Variants in RIMBP2 observed in about 807,000 individuals in gnomAD.
RIMBP2 encodes the protein RIMS binding protein 2, also known as RIMS-binding protein 2.
In RIMBP2, 48 loss-of-function variants were observed where a neutral mutation model predicts 118.6. That is an observed-to-expected ratio of 0.40 (90% CI 0.32 to 0.51). The LOEUF (loss-of-function observed/expected upper bound fraction) is 0.51, where lower values mean the gene tolerates loss of function less well. RIMBP2 is among the 20% of genes least tolerant of loss of function. The pLI is 0.41. For missense variants in RIMBP2, 1,551 were observed against 1,768.3 expected, an observed-to-expected ratio of 0.88 and a Z score of 2.20; for synonymous variants, 762 against 742.9, an observed-to-expected ratio of 1.03 and a Z score of -0.42.
chr12:130,412,761 T>A lies in RIMBP2; in HGVS notation c.3447A>T (p.Gly1149=). Residue 1149 remains glycine, a synonymous_variant, in exon 19 of 23, where the codon GGA becomes GGT. Coordinates refer to ENST00000690449, the MANE Select transcript of RIMBP2 (RefSeq NM_001393629.1). ...GGGCACAGGTTTCCCCACGGTAGAA[T>A]CCATCAGCGTCTTTATCACCATAAA... ...IKVYGDKDAD[G]FYRGETCARL... is the part of the protein sequence containing the mutation. 6.2e-7 allele frequency: 1 copy of A among 1,613,564 alleles called. No homozygotes were observed. The highest frequency in any genetic ancestry group is 8.5e-7 in the Non-Finnish European group (1 of 1,179,890).
rs541780653 is a variant in RIMBP2, at chr12:130,409,493, C to T, written c.3590-1664G>A. 2.0e-4 allele frequency among the ~76,000 whole-genome samples: 31 copies of T among 152,150 alleles called. No individual in the cohort carries two copies. The South Asian group carries it at 5.0e-3, about 25-fold the overall frequency. Reference sequence around the variant, plus strand: ...GAGTAGCTGGGACTGCAGGCGCCCGCCACCACGCCCGGCTAATTTTTTTGT... The same window carrying T: ...GAGTAGCTGGGACTGCAGGCGCCCGTCACCACGCCCGGCTAATTTTTTTGT... On this transcript the variant is annotated intron_variant, in intron 19 of 22. Coordinates refer to ENST00000690449, the MANE Select transcript of RIMBP2 (RefSeq NM_001393629.1).
intron 1 of RIMBP2, among the ~76,000 whole-genome samples, chr12:130,636,955 G>A (rs533661832): frequency 1.1e-4 from 17 of 152,330 alleles, no homozygotes; most frequent in African/African-American, 3.4e-4. Context: ...ATGCCTTGGG[G>A]ATGGTGTCTT....
rs143323811 is a variant in RIMBP2, at chr12:130,644,587, G to C, written c.-351-16131C>G. 8.4e-3 allele frequency among the ~76,000 whole-genome samples: 1,273 copies of C among 152,344 alleles called. 6 individuals carry two copies. The highest frequency in any genetic ancestry group is 0.011 in the Non-Finnish European group (752 of 68,038). The stretch of plus-strand genomic sequence containing the variant: ...TTAATTTGTGCAAGGTAGCACACCT[G>C]CGTCTAAGCCCAGTGTCTGCGTATA... On this transcript the variant is annotated intron_variant, in intron 1 of 22. Coordinates refer to ENST00000690449, the MANE Select transcript of RIMBP2 (RefSeq NM_001393629.1).
intron 1 of RIMBP2, among the ~76,000 whole-genome samples, chr12:130,704,983 A>G (rs915684261): frequency 3.3e-5 from 5 of 152,244 alleles, no homozygotes; most frequent in Middle Eastern, 3.4e-3. Context: ...GGGAGGCTCA[A>G]AACAACACAC....
intron 14 of RIMBP2, among the ~76,000 whole-genome samples, chr12:130,432,692 C>T (rs767887801): frequency 6.6e-6 from 1 of 152,170 alleles, no homozygotes; most frequent in Non-Finnish European, 1.5e-5. Context: ...ATCTGCAGGC[C>T]TCGGGGAGGC....
rs563308895 is a variant in RIMBP2 at position 130,687,461 on chromosome 12, T to C, written c.-352+28761A>G. ...GGTTTCTGCACGTTTCACTGTATAATTATTTTTATAAACTAAAGGAAAACT... is the reference window on the plus strand; with the variant it reads ...GGTTTCTGCACGTTTCACTGTATAACTATTTTTATAAACTAAAGGAAAACT... On this transcript the variant is annotated intron_variant, in intron 1 of 22. Coordinates refer to ENST00000690449, the MANE Select transcript of RIMBP2 (RefSeq NM_001393629.1). 2.0e-5 allele frequency among the ~76,000 whole-genome samples: 3 copies of C among 152,306 alleles called. No individual in the cohort carries two copies. The South Asian group carries it at 6.2e-4, about 32-fold the overall frequency.
At chr12:130,436,776 T>C in intron 13 of RIMBP2, 66 bp downstream of exon 13, 2 of 1,270,232 alleles carry the variant, frequency 1.6e-6, no homozygotes, top group Non-Finnish European at 2.0e-6. Context: ...GCTGGGGAGA[T>C]TACAGGGCCC....
At chr12:130,643,438 G>A (rs566326595) in intron 1 of RIMBP2, among the ~76,000 whole-genome samples, 5 of 152,170 alleles carry the variant, frequency 3.3e-5, no homozygotes, top group Non-Finnish European at 5.9e-5. Context: ...GATGAAAGCC[G>A]GTCCCTACAG....
chr12:130,411,483 C>T (rs117955072), intron 19 of RIMBP2, among the ~76,000 whole-genome samples: 1,774 of 152,246 alleles, frequency 0.012, 23 homozygotes, highest in Non-Finnish European at 0.016. Flanking sequence ...TAGTTTCTGG[C>T]AATGCGGCAG....
At chr12:130,529,891 C>T (rs2053195070) in intron 2 of RIMBP2, among the ~76,000 whole-genome samples, 1 of 152,160 alleles carries the variant, frequency 6.6e-6, no homozygotes, top group African/African-American at 2.4e-5. Context: ...CGCCGCTGAT[C>T]TGATAGAAGG....
chr12:130,567,497 C>A (rs747292350), intron 2 of RIMBP2, among the ~76,000 whole-genome samples: 1 of 152,214 alleles, frequency 6.6e-6, no homozygotes. Flanking sequence ...TTCTATCCCC[C>A]ACTCTGCCTG....
At chr12:130,602,033 T>G (rs1215580993) in intron 2 of RIMBP2, among the ~76,000 whole-genome samples, 5 of 152,186 alleles carry the variant, frequency 3.3e-5, no homozygotes, top group African/African-American at 1.2e-4. Context: ...GCACGGTGGC[T>G]CGTGCCTGTA....
intron 19 of RIMBP2, among the ~76,000 whole-genome samples, chr12:130,409,332 CTTTTTTTT>C (rs35015661): frequency 1.7e-4 from 11 of 65,382 alleles, no homozygotes; most frequent in African/African-American, 2.7e-4. Context: ...CAAAATGTAG[CTTTTTTTT>C]TTTTTTTTTT....
In RIMBP2 at chr12:130,511,400, C is replaced by T. The variant is rs1006133496; in HGVS notation, c.-126-4630G>A. On this transcript the variant is annotated intron_variant, in intron 3 of 22. Coordinates refer to ENST00000690449, the MANE Select transcript of RIMBP2 (RefSeq NM_001393629.1). This position sits in a 1 kb window ranked among gnomAD's most constrained non-coding sequence, Gnocchi z 4.3. Reference sequence around the variant, plus strand: ...ATGCGGAAATCAGCTAAACAGCAGTCCTCGTTACCGCGAGCACGCGTCGAA... The same window carrying T: ...ATGCGGAAATCAGCTAAACAGCAGTTCTCGTTACCGCGAGCACGCGTCGAA... Among the ~76,000 whole-genome samples, 1 of 152,204 alleles carries T rather than the reference C, an allele frequency of 6.6e-6. No homozygotes were observed. Among genetic ancestry groups the T allele is most frequent in the African/African-American group, 2.4e-5 (1 of 41,454 alleles).
chr12:130,434,722 G>T lies in RIMBP2; in HGVS notation c.2253+12C>A. On this transcript the variant is annotated intron_variant, in intron 14 of 22. Transcript: ENST00000690449. This position sits in a 1 kb window ranked among gnomAD's most constrained non-coding sequence, Gnocchi z 5.7. ...CACCAGGAGGATGGTGTGGGGCCCG[G>T]CCCGCTCTCACCTGCTTGCCAAGTT... 1.9e-6 allele frequency: 3 copies of T among 1,610,402 alleles called. No individual in the cohort carries two copies. The South Asian group carries it at 3.3e-5, about 18-fold the overall frequency.
At position 130,434,254 on chromosome 12, in the gene RIMBP2, A is replaced by G. The variant is rs1566024500; in HGVS notation, c.2253+480T>C. On this transcript the variant is annotated intron_variant, in intron 14 of 22. Coordinates refer to ENST00000690449, the MANE Select transcript of RIMBP2 (RefSeq NM_001393629.1). This position sits in a 1 kb window ranked among gnomAD's most constrained non-coding sequence, Gnocchi z 5.7. ...ATGCACGATCGGAAATTAGACAGAA[A>G]CCCCAAACTGGCTGAATGTCTTCCT... Among the ~76,000 whole-genome samples, 2 of 152,080 alleles carry G rather than the reference A, an allele frequency of 1.3e-5. No homozygotes were observed. The highest frequency in any genetic ancestry group is 2.4e-5 in the African/African-American group (1 of 41,396).
intron 1 of RIMBP2, among the ~76,000 whole-genome samples, chr12:130,700,545 C>T (rs925999084): frequency 4.6e-5 from 7 of 152,084 alleles, no homozygotes; most frequent in Middle Eastern, 3.2e-3. Context: ...CACATAGAGC[C>T]GCAGGAGAAG....
chr12:130,454,599 C>T (rs781094562), intron 7 of RIMBP2, among the ~76,000 whole-genome samples: 23 of 152,266 alleles, frequency 1.5e-4, no homozygotes, highest in East Asian at 1.3e-3. Context: ...TAGGAGGGTG[C>T]GTCTTCCAGA....
At chr12:130,503,697 G>A (rs549037177) in intron 4 of RIMBP2, among the ~76,000 whole-genome samples, 1 of 152,328 alleles carries the variant, frequency 6.6e-6, no homozygotes, top group South Asian at 2.1e-4. Flanking sequence ...TTTTGCTGGG[G>A]AAGCAGTGAG....
Sources: allele counts gnomAD v4.1 joint callset (sites outside exome capture counted in the v4.1 genomes callset), GRCh38; gene constraint gnomAD v4.1.1; non-coding constraint Gnocchi (gnomAD v3.1); transcripts MANE v1.5; gene names NCBI Gene and HGNC (gene_info 2026-07-23, HGNC 2026-07-21).